VAV2: variants seen among roughly 807,000 people sequenced by gnomAD.
VAV2 encodes the protein guanine nucleotide exchange factor VAV2.
VAV2 carries 67 observed loss-of-function variants against 132.5 expected under a neutral mutation model. The observed-to-expected ratio is 0.51, with a 90% CI of 0.42 to 0.62. VAV2 has a LOEUF of 0.62. Ranked by LOEUF, VAV2 falls within the 20% of genes least tolerant of loss-of-function variation. The pLI is 0.00. For missense variants in VAV2, 938 were observed against 1,153.6 expected (o/e 0.81, Z 2.71); for synonymous variants, 492 against 443.5 (o/e 1.11, Z -1.37).
intron 3 of VAV2, among the ~76,000 whole-genome samples, chr9:133,836,094 G>A (rs780180990): frequency 5.3e-5 from 8 of 152,290 alleles, no homozygotes; most frequent in East Asian, 1.9e-4. Flanking sequence ...TGCCATTTAC[G>A]GCCAAGAAGC....
intron 1 of VAV2, among the ~76,000 whole-genome samples, chr9:133,951,964 T>C (rs1169966859): frequency 6.6e-6 from 1 of 152,032 alleles, no homozygotes; most frequent in East Asian, 1.9e-4. Context: ...TCCAGTGGCT[T>C]CTCCTTGTAC....
chr9:133,839,692 G>A (rs1836640419), intron 3 of VAV2, among the ~76,000 whole-genome samples: 1 of 151,928 alleles, frequency 6.6e-6, no homozygotes, highest in East Asian at 1.9e-4. Flanking sequence ...CTCGTGATCC[G>A]CCCGCCTCAG....
In VAV2 at chr9:133,899,952, C is replaced by T. The variant is rs532300986; in HGVS notation, c.322-38520G>A. ...AGGAGAATGGCGTGAACCCGGGAGG[C>T]GGAGCTTGCAGTGAGCCGAGATTGC... On this transcript the variant is annotated intron_variant, in intron 2 of 29. Coordinates refer to ENST00000371850, the MANE Select transcript of VAV2 (RefSeq NM_001134398.2). 4.4e-3 allele frequency among the ~76,000 whole-genome samples: 668 copies of T among 150,444 alleles called. 6 individuals carry two copies. Among genetic ancestry groups the T allele is most frequent in the Non-Finnish European group, 7.5e-3 (505 of 67,576 alleles).
chr9:133,779,313 T>G (rs141131005), intron 21 of VAV2, among the ~76,000 whole-genome samples: 1 of 152,186 alleles, frequency 6.6e-6, no homozygotes, highest in African/African-American at 2.4e-5. Flanking sequence ...TGGCTGTGCC[T>G]CCAGGGAATG....
intron 2 of VAV2, among the ~76,000 whole-genome samples, chr9:133,905,481 G>A (rs1478342838): frequency 2.0e-5 from 3 of 151,306 alleles, no homozygotes; most frequent in Non-Finnish European, 2.9e-5. Flanking sequence ...GCAGCTCTGG[G>A]TCAGGGAGGG....
At chr9:133,888,620 GC>G (rs1420259608) in intron 2 of VAV2, among the ~76,000 whole-genome samples, 4 of 152,204 alleles carry the variant, frequency 2.6e-5, no homozygotes, top group Non-Finnish European at 5.9e-5. Flanking sequence ...GGCTTTTCCA[GC>G]TTCCACATCT....
At chr9:133,950,765 G>T (rs1017265699) in intron 1 of VAV2, among the ~76,000 whole-genome samples, 1 of 152,102 alleles carries the variant, frequency 6.6e-6, no homozygotes, top group Admixed American at 6.5e-5. Context: ...CCTCTCTGCT[G>T]CAGCCCACAA....
intron 9 of VAV2, among the ~76,000 whole-genome samples, chr9:133,801,986 G>A (rs897077816): frequency 1.3e-5 from 2 of 152,002 alleles, no homozygotes; most frequent in East Asian, 1.9e-4. Context: ...CCATGTTTGC[G>A]GTCATTGTTA....
At chr9:133,860,510 C>T (rs930299823) in intron 3 of VAV2, among the ~76,000 whole-genome samples, 3 of 152,072 alleles carry the variant, frequency 2.0e-5, no homozygotes, top group African/African-American at 7.2e-5. Flanking sequence ...CGTCCTGGGA[C>T]CCCTCAGCCT....
chr9:133,849,167 G>A (rs924470760), intron 3 of VAV2, among the ~76,000 whole-genome samples: 5 of 151,978 alleles, frequency 3.3e-5, no homozygotes, highest in Admixed American at 6.5e-5. Flanking sequence ...TTCACCTCAT[G>A]CCAATGAGCA....
intron 9 of VAV2, among the ~76,000 whole-genome samples, chr9:133,801,934 G>T (rs1054955088): frequency 6.6e-6 from 1 of 152,110 alleles, no homozygotes; most frequent in Non-Finnish European, 1.5e-5. Flanking sequence ...GAGACTAGGA[G>T]TCTGGCCTCC....
intron 1 of VAV2, among the ~76,000 whole-genome samples, chr9:133,979,119 CA>C (rs976568951): frequency 6.6e-6 from 1 of 152,222 alleles, no homozygotes; most frequent in African/African-American, 2.4e-5. Context: ...GCTTTCGTGC[CA>C]GGGGTGGTGG....
intron 5 of VAV2, 21 bp from the exon 6 acceptor site, chr9:133,810,226 C>T: frequency 6.2e-7 from 1 of 1,613,300 alleles, no homozygotes; most frequent in Non-Finnish European, 8.5e-7. Context: ...GGAGAAAGAA[C>T]CAGAAACAGC....
chr9:133,943,456 G>A (rs1841244852), intron 1 of VAV2, among the ~76,000 whole-genome samples: 1 of 152,242 alleles, frequency 6.6e-6, no homozygotes, highest in Non-Finnish European at 1.5e-5. Flanking sequence ...GTGGCTGCAG[G>A]AGCAAGCGGC....
intron 4 of VAV2, among the ~76,000 whole-genome samples, chr9:133,829,036 T>C (rs1226432211): frequency 6.6e-6 from 1 of 152,280 alleles, no homozygotes; most frequent in African/African-American, 2.4e-5. Context: ...TGCATGTCAC[T>C]CTTCTGTGTA....
rs1836372205 is a variant in VAV2, at chr9:133,834,228, G to A, written c.449+44C>T. 6.4e-7 allele frequency: 1 copy of A among 1,570,022 alleles called. No homozygotes were observed. The highest frequency in any genetic ancestry group is 8.7e-7 in the Non-Finnish European group (1 of 1,153,534). ...CCTGGACACCACCAGGAACCTCCCT[G>A]CCCCTCCCTCCTCTCCATCCCTCCT... On this transcript the variant is annotated intron_variant, in intron 4 of 29. Transcript: ENST00000371850. The surrounding 1 kb of genome is among the most constrained non-coding windows in gnomAD (Gnocchi z 5.9).
rs1168776701 is a variant in VAV2 at position 133,804,335 on chromosome 9, G to T, written c.836+1746C>A. ...TCTCGCCACACGCCTCGCTGCCAGG[G>T]ACGGAGCTGCCCGTCCACAGAGCTC... is the stretch of plus-strand genomic sequence containing the variant. On this transcript the variant is annotated intron_variant, in intron 9 of 29. Coordinates refer to ENST00000371850, the MANE Select transcript of VAV2 (RefSeq NM_001134398.2). This position sits in a 1 kb window ranked among gnomAD's most constrained non-coding sequence, Gnocchi z 4.5. Among the ~76,000 whole-genome samples the T allele has an allele frequency of 6.6e-6, 1 of 152,214 alleles. No individual in the cohort carries two copies. The highest frequency in any genetic ancestry group is 1.9e-4 in the East Asian group (1 of 5,196).
At position 133,943,838 on chromosome 9, in the gene VAV2, G is replaced by A. The variant is rs566814497; in HGVS notation, c.205-4619C>T. Among the ~76,000 whole-genome samples the A allele has an allele frequency of 7.2e-5, 11 of 152,346 alleles. No homozygotes were observed. In the South Asian group the frequency reaches 1.7e-3, roughly 23 times the overall value. ...TGGAAACGTCAGCCCCTTTCTCTCC[G>A]GCCCATTCATCGGCAGCCGCAGATC... On this transcript the variant is annotated intron_variant, in intron 1 of 29. Coordinates refer to ENST00000371850, the MANE Select transcript of VAV2 (RefSeq NM_001134398.2).
chr9:133,940,102 T>TC (rs1841083150), intron 1 of VAV2, among the ~76,000 whole-genome samples: 1 of 152,260 alleles, frequency 6.6e-6, no homozygotes, highest in East Asian at 1.9e-4. Flanking sequence ...GGGCCCCAGG[T>TC]TGGAATCCTG....
Sources: gnomAD v4.1 joint callset for allele counts (sites outside exome capture counted in the v4.1 genomes callset) on GRCh38, gnomAD v4.1.1 for gene constraint, Gnocchi (gnomAD v3.1) non-coding constraint, MANE v1.5 for transcripts, NCBI Gene and HGNC (gene_info 2026-07-23, HGNC 2026-07-21) for gene names.